TMTC2: variants seen among roughly 807,000 people sequenced by gnomAD.
TMTC2 encodes transmembrane O-mannosyltransferase targeting cadherins 2.
Under a neutral mutation model 82.4 loss-of-function variants are expected in TMTC2, and 43 were observed. The ratio of observed to expected loss-of-function variants is 0.52; its 90% CI spans 0.41 to 0.67. The LOEUF (loss-of-function observed/expected upper bound fraction) is 0.67. TMTC2 is among the 30% of genes least tolerant of loss of function. The probability of loss-of-function intolerance (pLI) is 0.00; values close to 1 mark genes in which losing one functional copy is unlikely to be tolerated. For missense variants in TMTC2, 919 were observed against 1,012.4 expected, an observed-to-expected ratio of 0.91 and a Z score of 1.25; for synonymous variants, 408 against 381.9, an observed-to-expected ratio of 1.07 and a Z score of -0.80.
At chr12:82,841,611 T>A (rs1592565567) in intron 1 of TMTC2, among the ~76,000 whole-genome samples, 1 of 152,234 alleles carries the variant, frequency 6.6e-6, no homozygotes, top group Non-Finnish European at 1.5e-5. Flanking sequence ...GTGTACCCTG[T>A]CATCACTGGC....
At chr12:83,073,524 C>A (rs897671842) in intron 11 of TMTC2, among the ~76,000 whole-genome samples, 1 of 152,106 alleles carries the variant, frequency 6.6e-6, no homozygotes, top group Non-Finnish European at 1.5e-5. Flanking sequence ...ATGTCTAGGT[C>A]TCTAGCAAGG....
At chr12:82,917,815 G>A (rs1052875271) in intron 3 of TMTC2, among the ~76,000 whole-genome samples, 4 of 152,078 alleles carry the variant, frequency 2.6e-5, no homozygotes, top group Non-Finnish European at 5.9e-5. Context: ...TGTTAGCCAG[G>A]ATGGTCTTGA....
chr12:82,903,013 C>T (rs996882933), intron 3 of TMTC2, among the ~76,000 whole-genome samples: 4 of 152,170 alleles, frequency 2.6e-5, no homozygotes, highest in African/African-American at 9.7e-5. Flanking sequence ...TCCCTTACTC[C>T]ACACCAGCCC....
intron 2 of TMTC2, among the ~76,000 whole-genome samples, chr12:82,872,551 C>T (rs1872256635): frequency 1.3e-5 from 2 of 152,146 alleles, no homozygotes; most frequent in African/African-American, 4.8e-5. Flanking sequence ...GAAAATATTT[C>T]CCGCATTGCT....
chr12:82,687,336 T>C lies in TMTC2; in HGVS notation c.-251T>C. ...GCGGAGCCCAAACGCCGCTCACCGCTTGCGGGCGCCGGGCATGGGGAGTGT... is the reference window on the plus strand; with the variant it reads ...GCGGAGCCCAAACGCCGCTCACCGCCTGCGGGCGCCGGGCATGGGGAGTGT... On this transcript the variant is annotated 5_prime_UTR_variant, in exon 1 of 12. Transcript: ENST00000321196. The C allele has an allele frequency of 1.8e-6, 1 of 546,984 alleles. No homozygotes were observed. The highest frequency in any genetic ancestry group is 2.1e-5 in the South Asian group (1 of 47,502). 33.9% of individuals were successfully genotyped at this position (546,984 alleles called of 1,614,324 possible). A position where few individuals can be genotyped will look rare whatever the true frequency, so the allele number is the denominator to read the frequency against.
intron 1 of TMTC2, among the ~76,000 whole-genome samples, chr12:82,694,370 A>C (rs1292570726): frequency 6.6e-6 from 1 of 152,228 alleles, no homozygotes; most frequent in Non-Finnish European, 1.5e-5. Flanking sequence ...TTATTGTGGA[A>C]TTAAATGGAA....
chr12:82,761,493 C>A (rs1411330981), intron 1 of TMTC2, among the ~76,000 whole-genome samples: 4 of 152,202 alleles, frequency 2.6e-5, no homozygotes, highest in African/African-American at 9.6e-5. Context: ...CGAGTATTCG[C>A]TTAAATTCCT....
intron 11 of TMTC2, among the ~76,000 whole-genome samples, chr12:83,063,014 G>A (rs1882797099): frequency 6.6e-6 from 1 of 151,808 alleles, no homozygotes; most frequent in Non-Finnish European, 1.5e-5. Flanking sequence ...CAATAGAAAA[G>A]CATACAAATG....
At chr12:83,059,584 C>G (rs1412476311) in intron 10 of TMTC2, among the ~76,000 whole-genome samples, 1 of 151,694 alleles carries the variant, frequency 6.6e-6, no homozygotes, top group East Asian at 1.9e-4. Context: ...CCCACCTCAT[C>G]AGAATTTCAT....
At chr12:82,791,138 G>T (rs1592524791) in intron 1 of TMTC2, among the ~76,000 whole-genome samples, 1 of 151,914 alleles carries the variant, frequency 6.6e-6, no homozygotes, top group East Asian at 1.9e-4. Flanking sequence ...CCTCTAATCA[G>T]TCACTACTTT....
intron 11 of TMTC2, among the ~76,000 whole-genome samples, chr12:83,110,144 C>T (rs1309541764): frequency 1.3e-5 from 2 of 152,186 alleles, no homozygotes; most frequent in Non-Finnish European, 2.9e-5. Flanking sequence ...CACGTCTAAC[C>T]ATCTATTAAC....
intron 9 of TMTC2, among the ~76,000 whole-genome samples, chr12:83,039,798 C>T (rs2137437630): frequency 6.6e-6 from 1 of 152,234 alleles, no homozygotes; most frequent in East Asian, 1.9e-4. Context: ...TCATTTCTCA[C>T]CCACAAAGTT....
intron 1 of TMTC2, among the ~76,000 whole-genome samples, chr12:82,776,503 G>A (rs546127243): frequency 5.3e-5 from 8 of 152,052 alleles, no homozygotes; most frequent in African/African-American, 1.9e-4. Flanking sequence ...AGGCATGGTG[G>A]CTCTTGAATG....
intron 1 of TMTC2, among the ~76,000 whole-genome samples, chr12:82,850,420 T>C (rs1038459241): frequency 4.6e-5 from 7 of 150,600 alleles, no homozygotes; most frequent in African/African-American, 1.5e-4. Context: ...AAGTGTAGGC[T>C]CGTGAGCAAC....
At chr12:82,848,526 T>C (rs896947156) in intron 1 of TMTC2, among the ~76,000 whole-genome samples, 1 of 152,120 alleles carries the variant, frequency 6.6e-6, no homozygotes, top group Non-Finnish European at 1.5e-5. Context: ...AGGGGCTCTA[T>C]TTTGCTCATC....
At chr12:82,998,534 C>T (rs905085643) in intron 8 of TMTC2, among the ~76,000 whole-genome samples, 1 of 152,120 alleles carries the variant, frequency 6.6e-6, no homozygotes, top group African/African-American at 2.4e-5. Flanking sequence ...AATTTGTGAT[C>T]TTAAGCAAAT....
intron 1 of TMTC2, among the ~76,000 whole-genome samples, chr12:82,805,085 C>T (rs1357246667): frequency 3.3e-5 from 5 of 152,088 alleles, no homozygotes; most frequent in Non-Finnish European, 5.9e-5. Flanking sequence ...TTGGCTGGAA[C>T]AGGACCTCAC....
chr12:82,732,190 A>C (rs1392348298), intron 1 of TMTC2, among the ~76,000 whole-genome samples: 5 of 152,218 alleles, frequency 3.3e-5, no homozygotes, highest in African/African-American at 2.4e-5. Context: ...CCTGCTGCGT[A>C]ATACCAATTT....
chr12:82,883,426 CTT>C (rs1448518262), intron 2 of TMTC2, among the ~76,000 whole-genome samples: 8 of 151,942 alleles, frequency 5.3e-5, no homozygotes, highest in African/African-American at 1.9e-4. Flanking sequence ...TTGCTGGTGT[CTT>C]TTGTGTTTTC....
Sources: gnomAD v4.1 joint callset for allele counts (sites outside exome capture counted in the v4.1 genomes callset) on GRCh38, gnomAD v4.1.1 for gene constraint, MANE v1.5 for transcripts, NCBI Gene and HGNC (gene_info 2026-07-23, HGNC 2026-07-21) for gene names.